The following CDH5 variants were observed in gnomAD, a reference collection of about 807,000 sequenced individuals.
CDH5 encodes cadherin-5.
CDH5 carries 28 observed loss-of-function variants against 62.0 expected under a neutral mutation model. The ratio of observed to expected loss-of-function variants is 0.45; its 90% CI spans 0.33 to 0.62. The LOEUF (loss-of-function observed/expected upper bound fraction) is 0.62. Ranked by LOEUF, CDH5 falls within the 20% of genes least tolerant of loss-of-function variation. The pLI, the probability that CDH5 is intolerant of heterozygous loss-of-function variation, is 0.02. For synonymous variants in CDH5, 464 were observed against 445.8 expected (o/e 1.04, Z -0.52); for missense variants, 940 against 1,065.1 (o/e 0.88, Z 1.63).
At position 66,370,252 on chromosome 16, in the gene CDH5, G is replaced by A. The variant is rs146893636; in HGVS notation, c.-20+3494G>A. Among the ~76,000 whole-genome samples, 8 of 152,162 alleles carry A rather than the reference G, an allele frequency of 5.3e-5. No individual in the cohort carries two copies. In the East Asian group the frequency reaches 7.7e-4, roughly 15 times the overall value. The stretch of plus-strand genomic sequence containing the variant: ...TGACCTCAGGTGATCCACTGGTCTC[G>A]GCCTCCCAAAGTGCTGGGATTTACA... On this transcript the variant is annotated intron_variant, in intron 1 of 11. Transcript: ENST00000341529.
intron 2 of CDH5, among the ~76,000 whole-genome samples, chr16:66,384,664 A>AAAAT (rs1254122672): frequency 1.3e-5 from 2 of 148,670 alleles, no homozygotes; most frequent in Non-Finnish European, 3.0e-5. Context: ...CCTGTCTCAA[A>AAAAT]AAAAAAAAAA....
At position 66,404,674 on chromosome 16, in the gene CDH5, A is replaced by G. The variant is rs1397411518; in HGVS notation, c.*1505A>G. The stretch of plus-strand genomic sequence containing the variant: ...CAATTCCTGTAACCTTCTATTTTCT[A>G]TAATTGTAGTAATTGCTCTACAGAT... On this transcript the variant is annotated 3_prime_UTR_variant, in exon 12 of 12. Coordinates refer to ENST00000341529, the MANE Select transcript of CDH5 (RefSeq NM_001795.5). 2 of 152,628 alleles carry G rather than the reference A, an allele frequency of 1.3e-5. No homozygotes were observed. The highest frequency in any genetic ancestry group is 1.3e-4 in the Admixed American group (2 of 15,282). The allele number at this position is 152,628 out of a possible 1,614,324, so 9.5% of individuals were successfully genotyped here.
In CDH5 at chr16:66,368,584, T is replaced by C. The variant is rs551843168; in HGVS notation, c.-20+1826T>C. On this transcript the variant is annotated intron_variant, in intron 1 of 11. Coordinates refer to ENST00000341529, the MANE Select transcript of CDH5 (RefSeq NM_001795.5). ...CACCATCCCAGGAAGAATCTTAGGC[T>C]CATTTTGCCCACATGGACCCATGAC... 1.8e-3 allele frequency among the ~76,000 whole-genome samples: 268 copies of C among 152,274 alleles called. 2 individuals are homozygous for C. The highest frequency in any genetic ancestry group is 6.2e-3 in the African/African-American group (258 of 41,554).
At chr16:66,371,520 C>A (rs896158581) in intron 1 of CDH5, among the ~76,000 whole-genome samples, 2 of 152,130 alleles carry the variant, frequency 1.3e-5, no homozygotes, top group Non-Finnish European at 2.9e-5. Context: ...AGGAGCCCTG[C>A]AGGAGTTGGC....
intron 1 of CDH5, among the ~76,000 whole-genome samples, chr16:66,372,466 C>T (rs1218409913): frequency 2.0e-5 from 3 of 152,222 alleles, no homozygotes; most frequent in African/African-American, 7.2e-5. Context: ...GGGTGGGGAG[C>T]TTCCCAGAGA....
chr16:66,370,529 G>T (rs962899009), intron 1 of CDH5, among the ~76,000 whole-genome samples: 11 of 152,170 alleles, frequency 7.2e-5, no homozygotes, highest in African/African-American at 2.7e-4. Flanking sequence ...GGGAAGGAGT[G>T]GGTGACAAGA....
intron 2 of CDH5, 47 bp downstream of exon 2, chr16:66,379,594 A>G (rs1032259502): frequency 1.1e-5 from 17 of 1,557,280 alleles, no homozygotes; most frequent in Non-Finnish European, 1.4e-5. Context: ...CAGCTGGCCC[A>G]TAGTGACAAG....
At chr16:66,399,063 A>G (rs1304982130) in intron 10 of CDH5, among the ~76,000 whole-genome samples, 2 of 152,256 alleles carry the variant, frequency 1.3e-5, no homozygotes, top group African/African-American at 4.8e-5. Context: ...TCTATGGGTC[A>G]GCAAAACTGC....
chr16:66,397,851 C>T, intron 8 of CDH5, 131 bp from the exon 9 acceptor site: 1 of 953,174 alleles, frequency 1.0e-6, no homozygotes, highest in South Asian at 1.5e-5. Flanking sequence ...GAACACCATC[C>T]TGGGCCTCTG....
chr16:66,379,973 TTGG>T (rs1380760814), intron 2 of CDH5, among the ~76,000 whole-genome samples: 1 of 21,802 alleles, frequency 4.6e-5, no homozygotes. Context: ...GGGGTAGGTG[TTGG>T]TGGTGATCAC....
rs112299599 is a variant in CDH5 at position 66,400,188 on chromosome 16, G to C, written c.1592-583G>C. 7.8e-3 allele frequency among the ~76,000 whole-genome samples: 1,194 copies of C among 152,238 alleles called. 12 individuals carry two copies. The highest frequency in any genetic ancestry group is 0.039 in the South Asian group (186 of 4,828). On this transcript the variant is annotated intron_variant, in intron 10 of 11. Coordinates refer to ENST00000341529, the MANE Select transcript of CDH5 (RefSeq NM_001795.5). ...TGATTGGATCTGGGAAGGTGGGCGG[G>C]GCCAATATTTGGACAAAAGCATTTC...
Position 66,392,330 on chromosome 16 carries a change from T to C in CDH5, c.1164T>C (p.Pro388=). The change falls in exon 7 of 12, where the codon CCT becomes CCC. Residue 388 remains proline, a synonymous_variant. Transcript: ENST00000341529. ...AGCTGAAGGAAAACCAGAAGAAGCC[T>C]CTGATTGGCACAGTGCTGGCCATGG... ...HFQLKENQKK[P]LIGTVLAMDP... 2.5e-6 allele frequency: 4 copies of C among 1,614,106 alleles called. No individual in the cohort carries two copies. The highest frequency in any genetic ancestry group is 3.4e-6 in the Non-Finnish European group (4 of 1,180,002).
intron 1 of CDH5, among the ~76,000 whole-genome samples, chr16:66,369,931 T>C (rs1454670235): frequency 6.6e-6 from 1 of 152,222 alleles, no homozygotes; most frequent in Non-Finnish European, 1.5e-5. Context: ...GCCAGCCCTG[T>C]CTTAAGAGGT....
In CDH5 at chr16:66,387,772, G is replaced by T. The variant is rs547468756; in HGVS notation, c.500-552G>T. On this transcript the variant is annotated intron_variant, in intron 3 of 11. Transcript: ENST00000341529. Reference sequence around the variant, plus strand: ...TCTAGGGGCCATGCAGGAGTGGTGTGGGGGACAGAGCACTAGCCCCAAGGT... The same window carrying T: ...TCTAGGGGCCATGCAGGAGTGGTGTTGGGGACAGAGCACTAGCCCCAAGGT... Among the ~76,000 whole-genome samples, 68 of 152,304 alleles carry T rather than the reference G, an allele frequency of 4.5e-4. No individual in the cohort carries two copies. The South Asian group carries it at 0.014, about 32-fold the overall frequency.
chr16:66,375,698 T>C (rs992823513), intron 1 of CDH5, among the ~76,000 whole-genome samples: 6 of 152,020 alleles, frequency 3.9e-5, no homozygotes, highest in African/African-American at 1.4e-4. Context: ...GTAGACTTAA[T>C]AAACACCGTA....
chr16:66,380,354 G>T (rs1297746049), intron 2 of CDH5, among the ~76,000 whole-genome samples: 1 of 149,996 alleles, frequency 6.7e-6, no homozygotes, highest in African/African-American at 2.5e-5. Flanking sequence ...GGTGGGTGAT[G>T]GTGGTGATGA....
At chr16:66,368,492 G>T (rs745591764) in intron 1 of CDH5, among the ~76,000 whole-genome samples, 8 of 152,200 alleles carry the variant, frequency 5.3e-5, no homozygotes, top group Admixed American at 4.6e-4. Context: ...GCCAGCAGGG[G>T]CCACACATTT....
At position 66,403,171 on chromosome 16, in the gene CDH5, C is replaced by T. The variant is rs1267148293; in HGVS notation, c.*2C>T. The T allele has an allele frequency of 9.3e-6, 15 of 1,605,208 alleles. No homozygotes were observed. Among genetic ancestry groups the T allele is most frequent in the Non-Finnish European group, 1.2e-5 (14 of 1,176,798 alleles). The stretch of plus-strand genomic sequence containing the variant: ...CCCCGGGAGGAGCTGCTGTATTAGG[C>T]GGCCGAGGTCACTCTGGGCCTGGGG... On this transcript the variant is annotated 3_prime_UTR_variant, in exon 12 of 12. Transcript: ENST00000341529. This position sits in a 1 kb window ranked among gnomAD's most constrained non-coding sequence, Gnocchi z 4.3.
At chr16:66,378,138 C>T (rs930318131) in intron 1 of CDH5, among the ~76,000 whole-genome samples, 19 of 152,198 alleles carry the variant, frequency 1.2e-4, no homozygotes, top group African/African-American at 4.3e-4. Flanking sequence ...GGCTGGCCCT[C>T]AGGGTTAAGA....
Sources: gnomAD v4.1 joint callset for allele counts (sites outside exome capture counted in the v4.1 genomes callset) on GRCh38, gnomAD v4.1.1 for gene constraint, Gnocchi (gnomAD v3.1) non-coding constraint, MANE v1.5 for transcripts, NCBI Gene and HGNC (gene_info 2026-07-23, HGNC 2026-07-21) for gene names.